Variants in PPP1CB observed in about 807,000 individuals in gnomAD.
PPP1CB encodes the protein protein phosphatase 1 catalytic subunit beta, also known as serine/threonine-protein phosphatase PP1-beta catalytic subunit.
PPP1CB carries 2 observed loss-of-function variants against 43.7 expected under a neutral mutation model. That is an observed-to-expected ratio of 0.05 (90% CI 0.02 to 0.14). The LOEUF (loss-of-function observed/expected upper bound fraction) is 0.14, where lower values mean the gene tolerates loss of function less well. Among genes scored for constraint, PPP1CB ranks in the 10% least tolerant of loss-of-function variants. The probability of loss-of-function intolerance (pLI) is 1.00; values close to 1 mark genes in which losing one functional copy is unlikely to be tolerated. For missense variants in PPP1CB, 84 were observed against 398.0 expected, an observed-to-expected ratio of 0.21 and a Z score of 6.71; for synonymous variants, 136 against 135.6, an observed-to-expected ratio of 1.00 and a Z score of -0.02.
chr2:28,783,674 T>A (rs1416684100), intron 4 of PPP1CB, among the ~76,000 whole-genome samples: 1 of 151,652 alleles, frequency 6.6e-6, no homozygotes, highest in African/African-American at 2.4e-5. Context: ...GGAGAATCGC[T>A]CGAACCCGGG....
intron 1 of PPP1CB, among the ~76,000 whole-genome samples, chr2:28,767,094 A>T (rs1176807510): frequency 6.7e-6 from 1 of 148,954 alleles, no homozygotes; most frequent in Non-Finnish European, 1.5e-5. Flanking sequence ...AAAAAAAAAA[A>T]GTTTATTGTC....
intron 1 of PPP1CB, among the ~76,000 whole-genome samples, chr2:28,756,077 A>T (rs1011966182): frequency 6.6e-6 from 1 of 152,216 alleles, no homozygotes; most frequent in Non-Finnish European, 1.5e-5. Flanking sequence ...TTCTTTACAT[A>T]GCTTTATGAG....
At chr2:28,769,958 T>C (rs1666867831) in intron 1 of PPP1CB, among the ~76,000 whole-genome samples, 1 of 152,050 alleles carries the variant, frequency 6.6e-6, no homozygotes, top group African/African-American at 2.4e-5. Context: ...TCGTCGATGA[T>C]TATATTAAAT....
intron 1 of PPP1CB, among the ~76,000 whole-genome samples, chr2:28,771,055 C>CCCCCCCCT (rs1558302176): frequency 3.2e-4 from 19 of 59,598 alleles, no homozygotes; most frequent in Admixed American, 4.0e-4. Context: ...CCCCCCCACC[C>CCCCCCCCT]TTTTTTTTTT....
rs1667056053 is a variant in PPP1CB, at chr2:28,776,902, G to A, written c.104G>A (p.Arg35Gln). 1 of 1,613,604 alleles carries A rather than the reference G, an allele frequency of 6.2e-7. No individual in the cohort carries two copies. Among genetic ancestry groups the A allele is most frequent in the Non-Finnish European group, 8.5e-7 (1 of 1,179,640 alleles). Residue 35 changes from arginine to glutamine, a missense_variant, in exon 2 of 8, where the codon CGA (arginine) becomes CAA (glutamine). This residue lies in a region of PPP1CB where 28 missense variants were observed against 234.2 expected (regional missense o/e 0.12). Coordinates refer to ENST00000395366, the MANE Select transcript of PPP1CB (RefSeq NM_002709.3). Reference sequence around the variant, plus strand: ...GTGCAGATGACTGAAGCAGAAGTTCGAGGCTTATGTATCAAGTCTCGGGAG... The same window carrying A: ...GTGCAGATGACTGAAGCAGAAGTTCAAGGCTTATGTATCAAGTCTCGGGAG... Reference protein sequence around the residue: ...KIVQMTEAEVRGLCIKSREIF... With the variant: ...KIVQMTEAEVQGLCIKSREIF...
At chr2:28,763,581 C>G (rs1372693804) in intron 1 of PPP1CB, among the ~76,000 whole-genome samples, 1 of 152,112 alleles carries the variant, frequency 6.6e-6, no homozygotes, top group Non-Finnish European at 1.5e-5. Flanking sequence ...TTTACTTATG[C>G]TTTGTGAATT....
intron 1 of PPP1CB, among the ~76,000 whole-genome samples, chr2:28,763,726 A>G (rs961256780): frequency 3.9e-5 from 6 of 152,156 alleles, no homozygotes; most frequent in African/African-American, 1.4e-4. Flanking sequence ...TTGTTTTGAG[A>G]CGGAGTCTCA....
chr2:28,777,155 A>T, intron 2 of PPP1CB, 173 bp downstream of exon 2: 1 of 560,536 alleles, frequency 1.8e-6, no homozygotes. Context: ...TACAGACAAG[A>T]TGAAAATACT....
intron 1 of PPP1CB, among the ~76,000 whole-genome samples, chr2:28,759,807 C>G (rs1321899012): frequency 6.6e-6 from 1 of 151,852 alleles, no homozygotes; most frequent in Non-Finnish European, 1.5e-5. Context: ...TTAGTAGAGA[C>G]GGGGTTTCAC....
chr2:28,799,088 T>A, intron 7 of PPP1CB, 111 bp from the exon 8 acceptor site: 1 of 706,676 alleles, frequency 1.4e-6, no homozygotes, highest in South Asian at 1.9e-5. Flanking sequence ...TATTCTACAT[T>A]TTTATTGCAT....
intron 2 of PPP1CB, 78 bp downstream of exon 2, chr2:28,777,060 T>A (rs1167880431): frequency 6.8e-7 from 1 of 1,472,144 alleles, no homozygotes; most frequent in African/African-American, 1.4e-5. Flanking sequence ...AGAGAAAACA[T>A]TTTTTGAAAT....
At chr2:28,756,808 TA>T (rs35052036) in intron 1 of PPP1CB, among the ~76,000 whole-genome samples, 149,845 of 152,254 alleles carry the variant, frequency 0.98, 73,783 homozygotes, top group Middle Eastern at 1. Context: ...TTTTGAAGGT[TA>T]AAAAAAATGA....
intron 7 of PPP1CB, among the ~76,000 whole-genome samples, chr2:28,797,687 C>T (rs1162282522): frequency 6.6e-6 from 1 of 152,056 alleles, no homozygotes; most frequent in East Asian, 1.9e-4. Context: ...GTAATGTCAC[C>T]TTTCTCATTT....
intron 1 of PPP1CB, among the ~76,000 whole-genome samples, chr2:28,764,447 G>A (rs1224229683): frequency 1.4e-5 from 2 of 146,994 alleles, no homozygotes; most frequent in Non-Finnish European, 3.0e-5. Flanking sequence ...GCAACAGGGC[G>A]AGACTCCATC....
At chr2:28,781,095 A>G (rs1191491774) in intron 3 of PPP1CB, among the ~76,000 whole-genome samples, 1 of 152,180 alleles carries the variant, frequency 6.6e-6, no homozygotes, top group Non-Finnish European at 1.5e-5. Context: ...CTAAGAGCCT[A>G]TTAGACTGTT....
At chr2:28,786,208 G>A (rs967958541) in intron 5 of PPP1CB, among the ~76,000 whole-genome samples, 1 of 152,060 alleles carries the variant, frequency 6.6e-6, no homozygotes, top group African/African-American at 2.4e-5. Flanking sequence ...CCACCTCCCA[G>A]GTTCAAGCAG....
rs181542620 is a variant in PPP1CB at position 28,767,554 on chromosome 2, C to G, written c.53-9297C>G. On this transcript the variant is annotated intron_variant, in intron 1 of 7. Transcript: ENST00000395366. ...AGCAATAATCGTGACACCCATGACG[C>G]TGCCAGGTTGTAACTGCATCTGTAT... is the stretch of plus-strand genomic sequence containing the variant. 2.6e-3 allele frequency among the ~76,000 whole-genome samples: 392 copies of G among 152,264 alleles called. 4 individuals carry two copies. The highest frequency in any genetic ancestry group is 9.1e-3 in the African/African-American group (377 of 41,544).
At chr2:28,761,195 C>G (rs1054443724) in intron 1 of PPP1CB, among the ~76,000 whole-genome samples, 2 of 152,064 alleles carry the variant, frequency 1.3e-5, no homozygotes, top group African/African-American at 4.8e-5. Context: ...CGGCCGAGAC[C>G]AGACTTCTGA....
At chr2:28,784,039 A>C in intron 5 of PPP1CB, 61 bp downstream of exon 5, 2 of 1,286,684 alleles carry the variant, frequency 1.6e-6, no homozygotes, top group Non-Finnish European at 2.2e-6. Context: ...GAACTTGATT[A>C]CATTTAGTGG....
Sources: allele counts gnomAD v4.1 joint callset (sites outside exome capture counted in the v4.1 genomes callset), GRCh38; gene constraint gnomAD v4.1.1; regional missense constraint gnomAD v4.1.1; transcripts MANE v1.5; gene names NCBI Gene and HGNC (gene_info 2026-07-23, HGNC 2026-07-21).